Variants in EBAG9 observed in about 807,000 individuals in gnomAD.
The protein encoded by EBAG9 is receptor-binding cancer antigen expressed on SiSo cells.
In EBAG9, 16 loss-of-function variants were observed where a neutral mutation model predicts 30.9. That is an observed-to-expected ratio of 0.52 (90% CI 0.35 to 0.79). The LOEUF (loss-of-function observed/expected upper bound fraction) is 0.79. Among genes scored for constraint, EBAG9 ranks in the 30% least tolerant of loss-of-function variants. The probability of loss-of-function intolerance (pLI) is 0.01; values close to 1 mark genes in which losing one functional copy is unlikely to be tolerated. For missense variants in EBAG9, 197 were observed against 242.1 expected, an observed-to-expected ratio of 0.81 and a Z score of 1.24; for synonymous variants, 93 against 82.8, an observed-to-expected ratio of 1.12 and a Z score of -0.67.
Position 109,542,000 on chromosome 8 carries a change from T to TCA in EBAG9, c.-16+1539_-16+1540insCA, listed in dbSNP as rs201626943. On this transcript the variant is annotated intron_variant, in intron 1 of 6. Coordinates refer to ENST00000337573, the MANE Select transcript of EBAG9 (RefSeq NM_004215.5). The stretch of plus-strand genomic sequence containing the variant: ...AATGTTCCTTGTTCATGAGATGTTC[T>TCA]TGGCTTTTGAATTAAATATACCTAG... Among the ~76,000 whole-genome samples, 1,182 of 152,346 alleles carry TCA rather than the reference T, an allele frequency of 7.8e-3. 12 individuals are homozygous for TCA. Among genetic ancestry groups the TCA allele is most frequent in the African/African-American group, 0.026 (1,094 of 41,584 alleles).
chr8:109,541,171 A>G (rs1821266584), intron 1 of EBAG9, among the ~76,000 whole-genome samples: 1 of 152,084 alleles, frequency 6.6e-6, no homozygotes, highest in Non-Finnish European at 1.5e-5. Flanking sequence ...ATATACCTCA[A>G]ATTTTTGTCT....
chr8:109,563,577 C>CTTTT, intron 6 of EBAG9: 2 of 1,349,648 alleles, frequency 1.5e-6, no homozygotes, highest in East Asian at 2.6e-5. Context: ...ACCTACCACT[C>CTTTT]TTTTTTTTTT....
At chr8:109,549,580 A>C (rs1821453399) in intron 1 of EBAG9, among the ~76,000 whole-genome samples, 1 of 152,124 alleles carries the variant, frequency 6.6e-6, no homozygotes, top group African/African-American at 2.4e-5. Context: ...TGTTCTTCTT[A>C]TGCTTTAGTA....
At chr8:109,543,628 C>T (rs1239162736) in intron 1 of EBAG9, among the ~76,000 whole-genome samples, 1 of 151,960 alleles carries the variant, frequency 6.6e-6, no homozygotes, top group South Asian at 2.1e-4. Context: ...CAGAGATGAC[C>T]ATTTTTTTTT....
chr8:109,551,577 A>G (rs1333282596), intron 2 of EBAG9, among the ~76,000 whole-genome samples: 1 of 152,220 alleles, frequency 6.6e-6, no homozygotes, highest in East Asian at 1.9e-4. Flanking sequence ...CATCTGTTGA[A>G]TACCTCAACT....
At chr8:109,547,439 G>A (rs1340363323) in intron 1 of EBAG9, among the ~76,000 whole-genome samples, 1 of 151,764 alleles carries the variant, frequency 6.6e-6, no homozygotes, top group Admixed American at 6.6e-5. Flanking sequence ...AATGATTAAA[G>A]ATGTTGACTA....
intron 1 of EBAG9, among the ~76,000 whole-genome samples, chr8:109,541,530 G>A (rs1422548088): frequency 1.3e-5 from 2 of 152,168 alleles, no homozygotes; most frequent in African/African-American, 4.8e-5. Context: ...TGTCTTGAGC[G>A]TTCAAGTGCT....
intron 5 of EBAG9, among the ~76,000 whole-genome samples, chr8:109,557,538 T>C (rs1020717917): frequency 3.9e-5 from 6 of 152,174 alleles, no homozygotes; most frequent in South Asian, 2.1e-4. Context: ...AAAGCACAAA[T>C]GTCCAGACCC....
At chr8:109,561,994 G>T (rs1821721071) in intron 6 of EBAG9, among the ~76,000 whole-genome samples, 1 of 146,960 alleles carries the variant, frequency 6.8e-6, no homozygotes, top group Non-Finnish European at 1.5e-5. Flanking sequence ...AATCAGTATA[G>T]CTTATCTTTT....
At chr8:109,545,253 C>T (rs374304750) in intron 1 of EBAG9, among the ~76,000 whole-genome samples, 20 of 130,266 alleles carry the variant, frequency 1.5e-4, no homozygotes, top group East Asian at 9.8e-4. Context: ...ACCCGGGAAG[C>T]GGAAGTTGCG....
chr8:109,563,976 A>C (rs1407774497), intron 6 of EBAG9, among the ~76,000 whole-genome samples: 1 of 152,036 alleles, frequency 6.6e-6, no homozygotes, highest in Non-Finnish European at 1.5e-5. Flanking sequence ...AGCTGTGTTC[A>C]TCATGCACTT....
At chr8:109,551,491 G>A (rs530912055) in intron 2 of EBAG9, among the ~76,000 whole-genome samples, 18 of 152,170 alleles carry the variant, frequency 1.2e-4, no homozygotes, top group African/African-American at 4.3e-4. Context: ...GTGTGCTGAG[G>A]CACCTCAGGG....
In EBAG9 at chr8:109,550,921, A is replaced by C; in HGVS notation, c.83+14A>C. 3 of 1,513,454 alleles carry C rather than the reference A, an allele frequency of 2.0e-6. No homozygotes were observed. The highest frequency in any genetic ancestry group is 2.7e-6 in the Non-Finnish European group (3 of 1,104,488). 93.8% of individuals were successfully genotyped at this position (1,513,454 alleles called of 1,614,324 possible). On this transcript the variant is annotated intron_variant, in intron 2 of 6. Transcript: ENST00000337573. ...ATTAATATGCAGGTAAATAAGTTTTATGTTCAAACTAACCTGTTTATCTCC... is the reference window on the plus strand; with the variant it reads ...ATTAATATGCAGGTAAATAAGTTTTCTGTTCAAACTAACCTGTTTATCTCC...
At chr8:109,547,331 A>G (rs900554615) in intron 1 of EBAG9, among the ~76,000 whole-genome samples, 2 of 152,152 alleles carry the variant, frequency 1.3e-5, no homozygotes, top group Non-Finnish European at 1.5e-5. Context: ...AGTTGTTCCA[A>G]ATCCTCACCA....
intron 5 of EBAG9, among the ~76,000 whole-genome samples, chr8:109,559,643 C>T (rs189581864): frequency 6.6e-6 from 1 of 152,062 alleles, no homozygotes; most frequent in East Asian, 1.9e-4. Flanking sequence ...TAGACCTCAT[C>T]TCTAAAAAAA....
intron 1 of EBAG9, among the ~76,000 whole-genome samples, chr8:109,545,342 A>T (rs1188216917): frequency 9.5e-5 from 14 of 147,768 alleles, no homozygotes; most frequent in Non-Finnish European, 1.3e-4. Flanking sequence ...AAAAAAAAAA[A>T]GGCTACCAAA....
intron 1 of EBAG9, among the ~76,000 whole-genome samples, chr8:109,548,944 C>G (rs1391323057): frequency 2.2e-5 from 3 of 139,428 alleles, no homozygotes; most frequent in Non-Finnish European, 4.6e-5. Flanking sequence ...ACGATGTTGA[C>G]TAAAAGTAGA....
chr8:109,558,874 T>C lies in EBAG9; in HGVS notation c.429+1832T>C, dbSNP rs2131128176. 2.0e-5 allele frequency among the ~76,000 whole-genome samples: 3 copies of C among 152,338 alleles called. No homozygotes were observed. The South Asian group carries it at 6.2e-4, about 32-fold the overall frequency. On this transcript the variant is annotated intron_variant, in intron 5 of 6. Coordinates refer to ENST00000337573, the MANE Select transcript of EBAG9 (RefSeq NM_004215.5). The stretch of plus-strand genomic sequence containing the variant: ...ATAAATGTCATGTTTTATACTTTTT[T>C]AGTTTGTTAATTGGTTTGGATATTT...
At chr8:109,564,281 T>C in intron 6 of EBAG9, among the ~76,000 whole-genome samples, 158 bp from the exon 7 acceptor site, 1 of 152,126 alleles carries the variant, frequency 6.6e-6, no homozygotes, top group East Asian at 1.9e-4. Flanking sequence ...AAATCCTGTT[T>C]TTGAAAATAT....
Sources: gnomAD v4.1 joint callset for allele counts (sites outside exome capture counted in the v4.1 genomes callset) on GRCh38, gnomAD v4.1.1 for gene constraint, MANE v1.5 for transcripts, NCBI Gene and HGNC (gene_info 2026-07-23, HGNC 2026-07-21) for gene names.